EXOC6B: variants seen among roughly 807,000 people sequenced by gnomAD.
EXOC6B encodes exocyst complex component 6B, also known as SEC15 homolog B.
Under a neutral mutation model 113.5 loss-of-function variants are expected in EXOC6B, and 54 were observed. That is an observed-to-expected ratio of 0.48 (90% CI 0.38 to 0.60). The LOEUF (loss-of-function observed/expected upper bound fraction) is 0.60. EXOC6B is among the 20% of genes least tolerant of loss of function. The pLI is 0.00. For synonymous variants in EXOC6B, 357 were observed against 339.0 expected (o/e 1.05, Z -0.58); for missense variants, 797 against 977.5 (o/e 0.82, Z 2.46).
At position 72,692,448 on chromosome 2, in the gene EXOC6B, T is replaced by C. The variant is rs1450001948; in HGVS notation, c.669+25655A>G. Among the ~76,000 whole-genome samples the C allele has an allele frequency of 2.7e-4, 40 of 150,010 alleles. No homozygotes were observed. The Admixed American group carries it at 2.7e-3, about 10-fold the overall frequency. On this transcript the variant is annotated intron_variant, in intron 6 of 21. Transcript: ENST00000272427. ...CTCACTGCAAGCTCTGCCTCCCGGG[T>C]TCATGCCATTCTCCTGCCTCAGCCT...
In EXOC6B at chr2:72,290,922, T is replaced by C. The variant is rs544918870; in HGVS notation, c.2196+44025A>G. Reference sequence around the variant, plus strand: ...TAATTGAAATGTATGAATATTATATTGAAATCAAATATGTAATCTTTAATA... The same window carrying C: ...TAATTGAAATGTATGAATATTATATCGAAATCAAATATGTAATCTTTAATA... On this transcript the variant is annotated intron_variant, in intron 20 of 21. Transcript: ENST00000272427. Among the ~76,000 whole-genome samples the C allele has an allele frequency of 3.3e-5, 5 of 152,294 alleles. No individual in the cohort carries two copies. The South Asian group carries it at 1.0e-3, about 32-fold the overall frequency.
At chr2:72,808,488 G>T (rs1457943355) in intron 1 of EXOC6B, among the ~76,000 whole-genome samples, 2 of 152,160 alleles carry the variant, frequency 1.3e-5, no homozygotes, top group African/African-American at 2.4e-5. Flanking sequence ...GGCAAGCATG[G>T]TGGCTCATAT....
chr2:72,629,088 A>T (rs1672234584), intron 6 of EXOC6B, among the ~76,000 whole-genome samples: 1 of 152,220 alleles, frequency 6.6e-6, no homozygotes, highest in Non-Finnish European at 1.5e-5. Flanking sequence ...TAGGTTAAAA[A>T]CATCTTTAGT....
At chr2:72,542,424 A>G (rs893392304) in intron 8 of EXOC6B, among the ~76,000 whole-genome samples, 7 of 152,316 alleles carry the variant, frequency 4.6e-5, no homozygotes, top group Middle Eastern at 3.4e-3. Context: ...TCACCTCTGG[A>G]GTTTCTAGCA....
intron 20 of EXOC6B, among the ~76,000 whole-genome samples, chr2:72,260,575 A>G (rs1002082045): frequency 1.3e-5 from 2 of 152,216 alleles, no homozygotes; most frequent in Non-Finnish European, 2.9e-5. Flanking sequence ...TGAAAGTGTA[A>G]CGGAAAAGAA....
At chr2:72,685,744 G>A (rs1263172777) in intron 6 of EXOC6B, among the ~76,000 whole-genome samples, 3 of 152,116 alleles carry the variant, frequency 2.0e-5, no homozygotes, top group Admixed American at 6.5e-5. Context: ...TAAAGTATTC[G>A]CTTTCTCTCT....
chr2:72,578,641 T>C (rs572125185), intron 6 of EXOC6B, among the ~76,000 whole-genome samples: 5 of 152,246 alleles, frequency 3.3e-5, no homozygotes. Flanking sequence ...AGCATTGTGT[T>C]GCACACTGGT....
chr2:72,214,993 G>C (rs576449668), intron 20 of EXOC6B, among the ~76,000 whole-genome samples: 10 of 152,264 alleles, frequency 6.6e-5, no homozygotes, highest in African/African-American at 1.2e-4. Flanking sequence ...CTTTCACAAT[G>C]ATCCATCTTT....
At chr2:72,255,027 C>T (rs1353106975) in intron 20 of EXOC6B, among the ~76,000 whole-genome samples, 2 of 152,188 alleles carry the variant, frequency 1.3e-5, no homozygotes, top group African/African-American at 2.4e-5. Context: ...AGGAAACTTA[C>T]ACTTAAAGAA....
intron 20 of EXOC6B, among the ~76,000 whole-genome samples, chr2:72,249,000 A>G (rs1366793370): frequency 6.6e-6 from 1 of 152,222 alleles, no homozygotes; most frequent in Non-Finnish European, 1.5e-5. Context: ...GTGGTAGCTC[A>G]AGTCTATAAT....
At chr2:72,507,954 G>GAA (rs976240447) in intron 11 of EXOC6B, among the ~76,000 whole-genome samples, 124 of 73,096 alleles carry the variant, frequency 1.7e-3, no homozygotes, top group African/African-American at 4.6e-3. Context: ...CATTGCTTTA[G>GAA]AAAAAAAAAA....
intron 6 of EXOC6B, among the ~76,000 whole-genome samples, chr2:72,702,112 C>T (rs566669214): frequency 2.0e-5 from 3 of 150,464 alleles, no homozygotes; most frequent in East Asian, 2.0e-4. Flanking sequence ...TGATATTCCC[C>T]TTCCTGTGTC....
At chr2:72,612,152 G>A (rs1671112725) in intron 6 of EXOC6B, among the ~76,000 whole-genome samples, 1 of 151,964 alleles carries the variant, frequency 6.6e-6, no homozygotes, top group South Asian at 2.1e-4. Flanking sequence ...GAGCACACCT[G>A]TAGTCCCAGC....
At chr2:72,538,523 C>T (rs1243109454) in intron 8 of EXOC6B, among the ~76,000 whole-genome samples, 5 of 151,968 alleles carry the variant, frequency 3.3e-5, no homozygotes, top group African/African-American at 9.7e-5. Context: ...CCTTTTTTGG[C>T]GATGAGTCTT....
At chr2:72,459,925 T>C (rs1697513528) in intron 18 of EXOC6B, among the ~76,000 whole-genome samples, 1 of 152,132 alleles carries the variant, frequency 6.6e-6, no homozygotes, top group Non-Finnish European at 1.5e-5. Context: ...AGAACAAAGC[T>C]GGAGGCATCA....
At chr2:72,671,794 A>AGAAAGAAG (rs1675872686) in intron 6 of EXOC6B, among the ~76,000 whole-genome samples, 3 of 132,146 alleles carry the variant, frequency 2.3e-5, no homozygotes, top group African/African-American at 8.7e-5. Context: ...AAAGAAAGAA[A>AGAAAGAAG]GAAAGAAAGA....
intron 6 of EXOC6B, among the ~76,000 whole-genome samples, chr2:72,685,000 C>T (rs539812558): frequency 1.3e-5 from 2 of 152,160 alleles, no homozygotes; most frequent in South Asian, 4.2e-4. Flanking sequence ...GAAAAAAAAT[C>T]AAATATTGAC....
intron 8 of EXOC6B, among the ~76,000 whole-genome samples, chr2:72,538,891 T>C (rs772722152): frequency 6.6e-6 from 1 of 152,188 alleles, no homozygotes; most frequent in Non-Finnish European, 1.5e-5. Context: ...GTTACTACTG[T>C]AGTTCTCAAG....
intron 8 of EXOC6B, among the ~76,000 whole-genome samples, chr2:72,534,080 G>T (rs1702153167): frequency 6.6e-6 from 1 of 152,072 alleles, no homozygotes; most frequent in Non-Finnish European, 1.5e-5. Flanking sequence ...GAGACTCAAT[G>T]AGATAAAGTA....
Sources: gnomAD v4.1 joint callset for allele counts (sites outside exome capture counted in the v4.1 genomes callset) on GRCh38, gnomAD v4.1.1 for gene constraint, MANE v1.5 for transcripts, NCBI Gene and HGNC (gene_info 2026-07-23, HGNC 2026-07-21) for gene names.